IL36B: variants seen among roughly 807,000 people sequenced by gnomAD.
IL36B encodes the protein interleukin-36 beta.
IL36B carries 23 observed loss-of-function variants against 19.3 expected under a neutral mutation model. That is an observed-to-expected ratio of 1.19 (90% CI 0.86 to 1.69). The LOEUF (loss-of-function observed/expected upper bound fraction) is 1.69. Among genes scored for constraint, IL36B ranks in the 40% most tolerant of loss-of-function variants. The probability of loss-of-function intolerance (pLI) is 0.00; values close to 1 mark genes in which losing one functional copy is unlikely to be tolerated. For synonymous variants in IL36B, 59 were observed against 59.7 expected (o/e 0.99, Z 0.05); for missense variants, 217 against 200.5 (o/e 1.08, Z -0.50).
intron 1 of IL36B, among the ~76,000 whole-genome samples, chr2:113,042,482 C>G (rs1685275875): frequency 6.6e-6 from 1 of 152,172 alleles, no homozygotes; most frequent in African/African-American, 2.4e-5. Context: ...ATCTGTCCTT[C>G]CCTCCCATCC....
chr2:113,027,904 T>C (rs1486169983), intron 4 of IL36B: 23 of 1,613,932 alleles, frequency 1.4e-5, no homozygotes, highest in Non-Finnish European at 1.9e-5. Context: ...AGGCTGGATT[T>C]ATTCCACAGA....
At chr2:113,026,260 T>C in intron 4 of IL36B, 2 of 1,612,788 alleles carry the variant, frequency 1.2e-6, no homozygotes, top group Non-Finnish European at 1.7e-6. Context: ...TCAATGTTGC[T>C]GAGATAATAC....
At chr2:113,048,836 T>G (rs2105058581) in intron 1 of IL36B, among the ~76,000 whole-genome samples, 1 of 152,276 alleles carries the variant, frequency 6.6e-6, no homozygotes, top group African/African-American at 2.4e-5. Flanking sequence ...GCCCATAAAT[T>G]TAACATCTTA....
At position 113,027,638 on chromosome 2, in the gene IL36B, A is replaced by C; in HGVS notation, c.261+1301T>G. On this transcript the variant is annotated intron_variant, in intron 4 of 5. Coordinates refer to ENST00000259213, the MANE Select transcript of IL36B (RefSeq NM_014438.5). ...ATTTGGGGGGTTGACTAAACTGGGC[A>C]TGGCAGCTGAGTGGATGGTGGGGTA... is the stretch of plus-strand genomic sequence containing the variant. The C allele has an allele frequency of 7.0e-6, 9 of 1,281,408 alleles. No individual in the cohort carries two copies. In the East Asian group the frequency reaches 1.1e-4, roughly 15 times the overall value. 79.4% of individuals were successfully genotyped at this position (1,281,408 alleles called of 1,614,324 possible).
intron 1 of IL36B, among the ~76,000 whole-genome samples, chr2:113,045,526 A>G (rs1438391681): frequency 6.6e-6 from 1 of 152,146 alleles, no homozygotes; most frequent in African/African-American, 2.4e-5. Context: ...AATTTAGAAA[A>G]TATTTGGCTA....
intron 1 of IL36B, among the ~76,000 whole-genome samples, chr2:113,049,140 A>T (rs1477406640): frequency 6.6e-6 from 1 of 152,190 alleles, no homozygotes; most frequent in Non-Finnish European, 1.5e-5. Flanking sequence ...ACATAAAAAC[A>T]TCAACTCAAA....
In IL36B at chr2:113,022,696, A is replaced by G. The variant is rs781518301; in HGVS notation, c.473T>C (p.Ile158Thr). 12 of 1,608,826 alleles carry G rather than the reference A, an allele frequency of 7.5e-6. No individual in the cohort carries two copies. The highest frequency in any genetic ancestry group is 1.0e-5 in the Non-Finnish European group (12 of 1,175,262). The change falls in exon 6 of 6, where the codon ATA (isoleucine) becomes ACA (threonine). Residue 158 changes from isoleucine (I) to threonine (T), a missense_variant. Transcript: ENST00000259213. Reference sequence around the variant, plus strand: ...TTTCTACATCCTTCCTGGCATTCCTATGTTGGTCCGCATGGATGAGAAATC... The same window carrying G: ...TTTCTACATCCTTCCTGGCATTCCTGTGTTGGTCCGCATGGATGAGAAATC...
intron 3 of IL36B, among the ~76,000 whole-genome samples, chr2:113,029,733 G>A (rs1481938053): frequency 6.6e-6 from 1 of 152,188 alleles, no homozygotes; most frequent in Non-Finnish European, 1.5e-5. Context: ...ATCTGTGTTG[G>A]AAGTGTAAAC....
intron 2 of IL36B, 60 bp downstream of exon 2, chr2:113,031,637 A>G (rs1335951795): frequency 4.2e-6 from 6 of 1,425,586 alleles, no homozygotes. Context: ...CTTCCATCCT[A>G]TTGTCTTTGA....
At chr2:113,038,680 C>G (rs1026704049) in intron 1 of IL36B, among the ~76,000 whole-genome samples, 2 of 152,166 alleles carry the variant, frequency 1.3e-5, no homozygotes, top group Non-Finnish European at 2.9e-5. Flanking sequence ...TGACTTCAAG[C>G]CTGAAGCTCA....
intron 1 of IL36B, among the ~76,000 whole-genome samples, chr2:113,039,286 A>C (rs1055105712): frequency 1.1e-4 from 17 of 152,216 alleles, no homozygotes; most frequent in African/African-American, 4.1e-4. Flanking sequence ...AGGGTGTCCC[A>C]GTCACAAAAC....
At chr2:113,023,803 A>T (rs1277763459) in intron 5 of IL36B, among the ~76,000 whole-genome samples, 2 of 152,198 alleles carry the variant, frequency 1.3e-5, no homozygotes, top group Non-Finnish European at 2.9e-5. Flanking sequence ...TTAACTGATC[A>T]GTTCTTTAAC....
At chr2:113,033,878 C>T (rs550515275) in intron 1 of IL36B, among the ~76,000 whole-genome samples, 1 of 152,278 alleles carries the variant, frequency 6.6e-6, no homozygotes, top group African/African-American at 2.4e-5. Context: ...GAAAGAAAAT[C>T]ATTACTCTTG....
chr2:113,023,797 CTGAT>C (rs2105037950), intron 5 of IL36B, among the ~76,000 whole-genome samples: 1 of 152,288 alleles, frequency 6.6e-6, no homozygotes, highest in South Asian at 2.1e-4. Context: ...AGGTAGTTAA[CTGAT>C]CAGTTCTTTA....
chr2:113,027,931 G>A, intron 4 of IL36B: 7 of 1,614,150 alleles, frequency 4.3e-6, no homozygotes, highest in Non-Finnish European at 5.9e-6. Flanking sequence ...GTAGAAGTTA[G>A]TGTTATTAGT....
At chr2:113,028,062 G>A (rs1684997240) in intron 4 of IL36B, 2 of 1,614,154 alleles carry the variant, frequency 1.2e-6, no homozygotes, top group Non-Finnish European at 1.7e-6. Flanking sequence ...TGTGGAAAAA[G>A]AGAAAGGGCT....
intron 3 of IL36B, 69 bp downstream of exon 3, chr2:113,030,979 A>G: frequency 8.6e-7 from 1 of 1,163,088 alleles, no homozygotes; most frequent in African/African-American, 1.5e-5. Flanking sequence ...GGCTTATGCA[A>G]GCTCAGCCTC....
chr2:113,032,444 T>C (rs1032915781), intron 1 of IL36B, among the ~76,000 whole-genome samples: 2 of 152,132 alleles, frequency 1.3e-5, no homozygotes, highest in African/African-American at 4.8e-5. Flanking sequence ...GAACCAGTTG[T>C]TCACAACCCT....
chr2:113,029,113 A>G (rs1330291667), intron 3 of IL36B, 35 bp from the exon 4 acceptor site: 4 of 1,602,402 alleles, frequency 2.5e-6, no homozygotes, highest in African/African-American at 2.7e-5. Flanking sequence ...AAGATGTTTC[A>G]GTCTTTCTGG....
Sources: allele counts gnomAD v4.1 joint callset (sites outside exome capture counted in the v4.1 genomes callset), GRCh38; gene constraint gnomAD v4.1.1; transcripts MANE v1.5; gene names NCBI Gene and HGNC (gene_info 2026-07-23, HGNC 2026-07-21).